The following LHX4 variants were observed in gnomAD, a reference collection of about 807,000 sequenced individuals.
LHX4 encodes the protein LIM homeobox 4, also known as LIM/homeobox protein Lhx4.
Under a neutral mutation model 39.2 loss-of-function variants are expected in LHX4, and 16 were observed. The observed-to-expected ratio is 0.41, with a 90% CI of 0.28 to 0.62. The LOEUF (loss-of-function observed/expected upper bound fraction) is 0.62. Ranked by LOEUF, LHX4 falls within the 20% of genes least tolerant of loss-of-function variation. The probability of loss-of-function intolerance (pLI) is 0.33; values close to 1 mark genes in which losing one functional copy is unlikely to be tolerated. For synonymous variants in LHX4, 206 were observed against 198.1 expected (o/e 1.04, Z -0.33); for missense variants, 439 against 511.9 (o/e 0.86, Z 1.37).
At chr1:180,255,400 G>GCACACACATGCACA (rs1191944318) in intron 2 of LHX4, among the ~76,000 whole-genome samples, 4 of 152,136 alleles carry the variant, frequency 2.6e-5, no homozygotes, top group Admixed American at 1.3e-4. Flanking sequence ...ACACACGCGT[G>GCACACACATGCACA]CACACACATG....
intron 3 of LHX4, among the ~76,000 whole-genome samples, chr1:180,269,141 G>T (rs965899877): frequency 4.2e-3 from 2 of 474 alleles, no homozygotes; most frequent in Admixed American, 0.033. Flanking sequence ...TAGAGTGTGT[G>T]GGGGGGGGGG....
At chr1:180,238,346 T>C (rs1438515030) in intron 1 of LHX4, among the ~76,000 whole-genome samples, 1 of 152,208 alleles carries the variant, frequency 6.6e-6, no homozygotes, top group African/African-American at 2.4e-5. Context: ...GGTGTGATCA[T>C]TTCTGATGTA....
chr1:180,263,995 G>A (rs907644942), intron 2 of LHX4, among the ~76,000 whole-genome samples: 2 of 152,108 alleles, frequency 1.3e-5, no homozygotes, highest in African/African-American at 4.8e-5. Context: ...ACAGGGTCTC[G>A]CTCTGTTGCC....
Position 180,230,527 on chromosome 1 carries a change from G to T in LHX4, c.-3G>T. 1.2e-6 allele frequency: 2 copies of T among 1,613,536 alleles called. No individual in the cohort carries two copies. The highest frequency in any genetic ancestry group is 1.7e-6 in the Non-Finnish European group (2 of 1,179,722). ...ACTGCGACTCGCTGGCTTTCGCTCCGAGATGATGCAGAGTGCGACTGTCCC... is the reference window on the plus strand; with the variant it reads ...ACTGCGACTCGCTGGCTTTCGCTCCTAGATGATGCAGAGTGCGACTGTCCC... On this transcript the variant is annotated 5_prime_UTR_variant, in exon 1 of 6. Transcript: ENST00000263726. The surrounding 1 kb of genome is among the most constrained non-coding windows in gnomAD (Gnocchi z 5.8).
rs1664248909 is a variant in LHX4 at position 180,234,170 on chromosome 1, T to C, written c.76+3565T>C. Among the ~76,000 whole-genome samples, 1 of 2,104 alleles carries C rather than the reference T, an allele frequency of 4.8e-4. No homozygotes were observed. Among genetic ancestry groups the C allele is most frequent in the Non-Finnish European group, 1.3e-3 (1 of 794 alleles). 1.4% of individuals were successfully genotyped at this position (2,104 alleles called of 152,430 possible). A position where few individuals can be genotyped will look rare whatever the true frequency, so the allele number is the denominator to read the frequency against. On this transcript the variant is annotated intron_variant, in intron 1 of 5. Transcript: ENST00000263726. The surrounding 1 kb of genome is among the most constrained non-coding windows in gnomAD (Gnocchi z 4.8). ...ACAGACACACACAACACACACAAAT[T>C]ATATATATATATATATATATATATA...
intron 2 of LHX4, among the ~76,000 whole-genome samples, chr1:180,265,683 G>A (rs1438503483): frequency 1.3e-5 from 2 of 152,152 alleles, no homozygotes; most frequent in Non-Finnish European, 2.9e-5. Flanking sequence ...TCCTTGTCCC[G>A]AATGCTGTAG....
chr1:180,271,946 CAGG>C lies in LHX4; in HGVS notation c.721_723del (p.Glu241del), dbSNP rs749382204. On this transcript the variant is annotated inframe_deletion, in exon 5 of 6. Transcript: ENST00000263726. ...CAAGAGGAGCCGGGGCAGCAGCAAG[CAGG>C]AGAAGGAGAGCTCTGCAGAGGACTG... is the stretch of plus-strand genomic sequence containing the variant. 1.2e-5 allele frequency: 20 copies of C among 1,613,146 alleles called. No individual in the cohort carries two copies. The highest frequency in any genetic ancestry group is 8.9e-5 in the East Asian group (4 of 44,776).
chr1:180,233,634 G>T (rs1367623344), intron 1 of LHX4, among the ~76,000 whole-genome samples: 1 of 152,242 alleles, frequency 6.6e-6, no homozygotes, highest in African/African-American at 2.4e-5. Flanking sequence ...GGAAGGTGGG[G>T]CGTTTTATCC....
intron 4 of LHX4, 71 bp downstream of exon 4, chr1:180,271,605 G>T: frequency 6.3e-7 from 1 of 1,580,812 alleles, no homozygotes; most frequent in South Asian, 1.1e-5. Flanking sequence ...TATCCTGAGT[G>T]ACATCAGCTC....
At chr1:180,238,096 TATTTC>T (rs1341606712) in intron 1 of LHX4, among the ~76,000 whole-genome samples, 3 of 152,270 alleles carry the variant, frequency 2.0e-5, no homozygotes, top group Non-Finnish European at 4.4e-5. Flanking sequence ...TTACATTGTG[TATTTC>T]ATTTGTTACT....
chr1:180,228,965 C>A (rs138400035), upstream of LHX4, among the ~76,000 whole-genome samples: 59 of 152,254 alleles, frequency 3.9e-4, 1 homozygote, highest in African/African-American at 1.3e-3. Context: ...GGCAGGAGAG[C>A]GGCTGGGTCT....
intron 2 of LHX4, among the ~76,000 whole-genome samples, chr1:180,259,356 G>A (rs147399594): frequency 1.3e-5 from 2 of 152,204 alleles, no homozygotes; most frequent in East Asian, 1.9e-4. Flanking sequence ...GCCAGCAGAG[G>A]TGAAGCTAAT....
upstream of LHX4, among the ~76,000 whole-genome samples, chr1:180,228,694 GAC>G (rs767092599): frequency 5.3e-5 from 8 of 152,132 alleles, no homozygotes; most frequent in Admixed American, 2.0e-4. Flanking sequence ...CCAGTACCAG[GAC>G]ACACAAAAGT....
chr1:180,252,288 G>A (rs1184429546), intron 2 of LHX4, among the ~76,000 whole-genome samples: 5 of 152,252 alleles, frequency 3.3e-5, no homozygotes, highest in African/African-American at 1.2e-4. Context: ...TGGAACCCCA[G>A]GTCCCTCCCT....
At chr1:180,230,071 G>T (rs1434335430), upstream of LHX4, among the ~76,000 whole-genome samples, 1 of 151,324 alleles carries the variant, frequency 6.6e-6, no homozygotes, top group African/African-American at 2.4e-5. This position sits in a 1 kb window ranked among gnomAD's most constrained non-coding sequence, Gnocchi z 5.8. Flanking sequence ...CTCCCTCCGG[G>T]GTCGGCTGCC....
chr1:180,265,850 A>G (rs1648289690), intron 2 of LHX4, among the ~76,000 whole-genome samples: 1 of 152,198 alleles, frequency 6.6e-6, no homozygotes, highest in Non-Finnish European at 1.5e-5. Flanking sequence ...AACAGCTGTC[A>G]GGACAGCCTT....
chr1:180,276,414 A>C lies in LHX4; in HGVS notation c.*1835A>C, dbSNP rs1649031299. The C allele has an allele frequency of 6.6e-6, 1 of 152,150 alleles. No homozygotes were observed. The highest frequency in any genetic ancestry group is 2.4e-5 in the African/African-American group (1 of 41,414). The allele number at this position is 152,150 out of a possible 1,614,324, so 9.4% of individuals were successfully genotyped here. ...GGCCCTCTTCTCTGACCAATTTTAT[A>C]GCGTACCCTCGTTTTTTGGTGTGCT... On this transcript the variant is annotated 3_prime_UTR_variant, in exon 6 of 6. Transcript: ENST00000263726.
At chr1:180,251,515 CT>C (rs1373478343) in intron 2 of LHX4, among the ~76,000 whole-genome samples, 2 of 152,162 alleles carry the variant, frequency 1.3e-5, no homozygotes, top group African/African-American at 4.8e-5. Context: ...TCCTTGTTGG[CT>C]TGAGGAAAAG....
intron 2 of LHX4, among the ~76,000 whole-genome samples, chr1:180,262,761 A>C (rs1312510333): frequency 1.3e-5 from 2 of 151,814 alleles, no homozygotes; most frequent in Non-Finnish European, 2.9e-5. Flanking sequence ...AAATGTTTTA[A>C]GAAGCAGTTC....
Sources: allele counts gnomAD v4.1 joint callset (sites outside exome capture counted in the v4.1 genomes callset), GRCh38; gene constraint gnomAD v4.1.1; non-coding constraint Gnocchi (gnomAD v3.1); transcripts MANE v1.5; gene names NCBI Gene and HGNC (gene_info 2026-07-23, HGNC 2026-07-21).